The following WASHC2A variants were observed in gnomAD, a reference collection of about 807,000 sequenced individuals.
WASHC2A encodes the protein WASH complex subunit 2A.
WASHC2A carries 82 observed loss-of-function variants against 140.3 expected under a neutral mutation model. The ratio of observed to expected loss-of-function variants is 0.58; its 90% CI spans 0.49 to 0.70. The LOEUF (loss-of-function observed/expected upper bound fraction) is 0.70. Among genes scored for constraint, WASHC2A ranks in the 30% least tolerant of loss-of-function variants. WASHC2A has a pLI of 0.00. For synonymous variants in WASHC2A, 340 were observed against 560.8 expected (o/e 0.61, Z 5.56); for missense variants, 985 against 1,521.8 (o/e 0.65, Z 5.87).
At chr10:50,101,833 T>C (rs572161598) in intron 17 of WASHC2A, among the ~76,000 whole-genome samples, 2 of 147,108 alleles carry the variant, frequency 1.4e-5, no homozygotes, top group African/African-American at 4.9e-5. Flanking sequence ...CTTATTCATA[T>C]GTCTGGTACC....
intron 2 of WASHC2A, 124 bp from the exon 3 acceptor site, chr10:50,069,423 A>C: frequency 3.6e-6 from 5 of 1,385,138 alleles, no homozygotes; most frequent in Non-Finnish European, 4.8e-6. Context: ...TCTCAAAAAA[A>C]AAAAAAGCAT....
intron 18 of WASHC2A, among the ~76,000 whole-genome samples, chr10:50,105,577 T>A (rs1198712983): frequency 5.5e-5 from 8 of 145,648 alleles, no homozygotes; most frequent in Non-Finnish European, 1.2e-4. Context: ...GGAGACTTCA[T>A]CCAGGAAGAC....
Position 50,110,290 on chromosome 10 carries a change from G to T in WASHC2A, c.2039+20G>T. On this transcript the variant is annotated intron_variant, in intron 20 of 30. Transcript: ENST00000282633. ...GGACAGGTGAGATAGTCATTGGAAG[G>T]AGTCCCTCACTCCGTTACCGTGGTA... 2 of 1,610,858 alleles carry T rather than the reference G, an allele frequency of 1.2e-6. No individual in the cohort carries two copies. Among genetic ancestry groups the T allele is most frequent in the Non-Finnish European group, 1.7e-6 (2 of 1,179,020 alleles).
intron 3 of WASHC2A, among the ~76,000 whole-genome samples, chr10:50,072,375 G>C (rs1230081748): frequency 2.0e-5 from 3 of 151,578 alleles, no homozygotes; most frequent in Middle Eastern, 3.4e-3. Flanking sequence ...ACATGCTATA[G>C]GTTTTTTTAA....
intron 23 of WASHC2A, among the ~76,000 whole-genome samples, chr10:50,124,492 A>G (rs1399384886): frequency 1.3e-5 from 2 of 152,120 alleles, no homozygotes; most frequent in African/African-American, 2.4e-5. Context: ...TATCAAACCA[A>G]TAATGTTGAT....
intron 4 of WASHC2A, among the ~76,000 whole-genome samples, chr10:50,080,046 A>C (rs1414776500): frequency 1.3e-5 from 2 of 151,646 alleles, no homozygotes; most frequent in African/African-American, 2.4e-5. Flanking sequence ...ATATTTGTAG[A>C]GGGGGAAATG....
At chr10:50,107,801 G>T (rs1434783454) in intron 19 of WASHC2A, among the ~76,000 whole-genome samples, 1 of 126,102 alleles carries the variant, frequency 7.9e-6, no homozygotes, top group Admixed American at 8.6e-5. Context: ...GCGCATGCCT[G>T]TAATCCCAAC....
At chr10:50,090,515 A>AAAAATAT (rs1214596899) in intron 8 of WASHC2A, among the ~76,000 whole-genome samples, 1 of 108,764 alleles carries the variant, frequency 9.2e-6, no homozygotes, top group African/African-American at 3.3e-5. Context: ...AAAAAAAAAA[A>AAAAATAT]ATATATATAT....
At chr10:50,115,288 T>G (rs1292086210) in intron 21 of WASHC2A, among the ~76,000 whole-genome samples, 1 of 39,454 alleles carries the variant, frequency 2.5e-5, no homozygotes, top group Non-Finnish European at 5.1e-5. Context: ...GACCAAAAGG[T>G]TAAACCACAG....
At chr10:50,092,019 T>G (rs568355522) in intron 10 of WASHC2A, 143 bp from the exon 11 acceptor site, 35,456 of 1,586,230 alleles carry the variant, frequency 0.022, 218 homozygotes, top group Non-Finnish European at 0.026. Flanking sequence ...GGCCAGGGGG[T>G]TCAGTGCTCT....
At chr10:50,104,452 G>A (rs567181847) in intron 18 of WASHC2A, among the ~76,000 whole-genome samples, 2 of 151,678 alleles carry the variant, frequency 1.3e-5, no homozygotes, top group African/African-American at 4.8e-5. Flanking sequence ...CTGCAACCGG[G>A]TTCAGGTGAT....
chr10:50,069,317 T>A (rs1837580368), intron 2 of WASHC2A, among the ~76,000 whole-genome samples: 1 of 151,138 alleles, frequency 6.6e-6, no homozygotes, highest in Non-Finnish European at 1.5e-5. Flanking sequence ...TTCCAGCTAC[T>A]CGGGAGGCTG....
intron 2 of WASHC2A, 105 bp downstream of exon 2, chr10:50,068,332 C>T (rs1472279402): frequency 1.6e-6 from 2 of 1,247,106 alleles, no homozygotes; most frequent in African/African-American, 1.6e-5. Context: ...GTCCCGTTGC[C>T]TGCCCTCTTA....
chr10:50,093,769 T>C, intron 12 of WASHC2A, 91 bp from the exon 13 acceptor site: 1 of 613,312 alleles, frequency 1.6e-6, no homozygotes, highest in Non-Finnish European at 2.9e-6. Context: ...GCTTTAAATC[T>C]TGTAGGTTAT....
chr10:50,130,409 G>A (rs1267889100), intron 29 of WASHC2A, among the ~76,000 whole-genome samples: 1 of 149,688 alleles, frequency 6.7e-6, no homozygotes, highest in Non-Finnish European at 1.5e-5. Flanking sequence ...TGGGGACATT[G>A]GCCCTGGCTG....
chr10:50,082,202 G>A (rs1838963379), intron 5 of WASHC2A, among the ~76,000 whole-genome samples: 1 of 149,002 alleles, frequency 6.7e-6, no homozygotes, highest in Non-Finnish European at 1.5e-5. Context: ...TTTGTAGGAG[G>A]ATTTGGGGTT....
intron 17 of WASHC2A, among the ~76,000 whole-genome samples, chr10:50,103,277 C>T (rs1466650404): frequency 0.2 from 29,165 of 149,314 alleles, 3,769 homozygotes; most frequent in East Asian, 0.61. Flanking sequence ...AGAAATATGT[C>T]GGCCGGGTGT....
rs1589295186 is a variant in WASHC2A, at chr10:50,131,146, T to C, written c.3886+68T>C. On this transcript the variant is annotated intron_variant, in intron 30 of 30. Transcript: ENST00000282633. ...TTCTGTCACTTGGTATTTTTCTTGC[T>C]ACCTTTTCTTGGCCCTTTTCTGGAA... 6.8e-6 allele frequency: 11 copies of C among 1,611,784 alleles called. No homozygotes were observed. The South Asian group carries it at 1.2e-4, about 18-fold the overall frequency.
At chr10:50,090,098 G>A (rs1336792379) in intron 8 of WASHC2A, among the ~76,000 whole-genome samples, 2 of 151,540 alleles carry the variant, frequency 1.3e-5, no homozygotes, top group East Asian at 2.0e-4. Flanking sequence ...CAAAAAGAGC[G>A]AAACTCCTTC....
Sources: allele counts gnomAD v4.1 joint callset (sites outside exome capture counted in the v4.1 genomes callset), GRCh38; gene constraint gnomAD v4.1.1; transcripts MANE v1.5; gene names NCBI Gene and HGNC (gene_info 2026-07-23, HGNC 2026-07-21).